SGCD: variants seen among roughly 807,000 people sequenced by gnomAD.
The protein encoded by SGCD is delta-sarcoglycan.
In SGCD, 18 loss-of-function variants were observed where a neutral mutation model predicts 36.6. The observed-to-expected ratio is 0.49, with a 90% CI of 0.34 to 0.73. The LOEUF is 0.73. Ranked by LOEUF, SGCD falls within the 30% of genes least tolerant of loss-of-function variation. SGCD has a pLI of 0.01. For missense variants in SGCD, 387 were observed against 346.7 expected, an observed-to-expected ratio of 1.12 and a Z score of -0.92; for synonymous variants, 133 against 130.6, an observed-to-expected ratio of 1.02 and a Z score of -0.12.
the SGCD span, among the ~76,000 whole-genome samples, chr5:155,858,429 A>G: frequency 6.6e-6 from 1 of 152,200 alleles, no homozygotes; most frequent in South Asian, 2.1e-4. Flanking sequence ...GTTTTAAATA[A>G]CATAATTTTG....
At chr5:155,786,601 C>A in the SGCD span, among the ~76,000 whole-genome samples, 1 of 152,062 alleles carries the variant, frequency 6.6e-6, no homozygotes, top group African/African-American at 2.4e-5. Context: ...CAGGTTAAGG[C>A]AAAATATGGT....
chr5:156,132,538 G>A (rs1359353112), intron 3 of SGCD, among the ~76,000 whole-genome samples: 8 of 125,790 alleles, frequency 6.4e-5, no homozygotes, highest in Admixed American at 2.0e-4. Flanking sequence ...GCGCTATCCC[G>A]GCTCACTGCA....
intron 4 of SGCD, among the ~76,000 whole-genome samples, chr5:156,514,239 C>T (rs1211959876): frequency 6.6e-6 from 1 of 152,182 alleles, no homozygotes; most frequent in East Asian, 1.9e-4. Flanking sequence ...CTTTTTACCT[C>T]ACATCTTAGG....
rs553451793 is a variant in SGCD, at chr5:156,142,000, TG to T, written c.-44+17982del. Among the ~76,000 whole-genome samples the T allele has an allele frequency of 5.9e-5, 9 of 152,304 alleles. No homozygotes were observed. In the South Asian group the frequency reaches 1.7e-3, roughly 28 times the overall value. On this transcript the variant is annotated intron_variant, in intron 3 of 9. Coordinates refer to the SGCD transcript ENST00000517913. ...TCTCCACCCAAATGTCATGTGGAAT[TG>T]TAATCCCCAGTGTTGGAGGTGGGGC... is the stretch of plus-strand genomic sequence containing the variant.
chr5:156,580,379 C>A (rs557603135), intron 4 of SGCD, among the ~76,000 whole-genome samples: 49 of 152,252 alleles, frequency 3.2e-4, no homozygotes, highest in African/African-American at 1.1e-3. Context: ...GTGAGTCTGA[C>A]AATTATGTGT....
intron 1 of SGCD, among the ~76,000 whole-genome samples, chr5:156,092,648 C>A (rs1166562400): frequency 6.6e-6 from 1 of 152,208 alleles, no homozygotes; most frequent in African/African-American, 2.4e-5. Context: ...GCTTTATCTT[C>A]CTTCTTCTCA....
intron 1 of SGCD, among the ~76,000 whole-genome samples, chr5:155,895,985 T>C (rs1311351994): frequency 6.6e-6 from 1 of 152,278 alleles, no homozygotes; most frequent in African/African-American, 2.4e-5. Flanking sequence ...GCACATTCTC[T>C]GTCTTACACT....
intron 1 of SGCD, among the ~76,000 whole-genome samples, chr5:155,892,459 G>GAAAAA (rs70981989): frequency 4.2e-5 from 4 of 94,298 alleles, no homozygotes; most frequent in Non-Finnish European, 6.2e-5. Context: ...ATCTGAAAAA[G>GAAAAA]AAAAAAAAAA....
At chr5:156,110,011 A>G (rs976653798) in intron 1 of SGCD, among the ~76,000 whole-genome samples, 3 of 152,216 alleles carry the variant, frequency 2.0e-5, no homozygotes, top group Admixed American at 6.5e-5. Flanking sequence ...ATCCTGCATT[A>G]TGAGCAGCAG....
At chr5:156,082,429 C>A (rs894745628) in intron 1 of SGCD, among the ~76,000 whole-genome samples, 1 of 152,154 alleles carries the variant, frequency 6.6e-6, no homozygotes, top group East Asian at 1.9e-4. Context: ...AACCTGTCTT[C>A]CATTTCTAAA....
chr5:156,386,048 T>C (rs1771259390), intron 3 of SGCD, among the ~76,000 whole-genome samples: 1 of 152,184 alleles, frequency 6.6e-6, no homozygotes, highest in South Asian at 2.1e-4. Flanking sequence ...GACTACAGTG[T>C]TTCTTATTTT....
the SGCD span, among the ~76,000 whole-genome samples, chr5:155,805,237 G>T: frequency 6.6e-6 from 1 of 152,150 alleles, no homozygotes; most frequent in Non-Finnish European, 1.5e-5. Flanking sequence ...GTCTAGGGAG[G>T]ATCCAAACAC....
At chr5:156,476,664 A>T (rs1755194775) in intron 3 of SGCD, among the ~76,000 whole-genome samples, 1 of 152,230 alleles carries the variant, frequency 6.6e-6, no homozygotes, top group East Asian at 1.9e-4. Flanking sequence ...AATGTTGCAC[A>T]CAAGGGAATT....
chr5:156,572,624 C>T (rs773029713), intron 4 of SGCD, among the ~76,000 whole-genome samples: 2 of 152,092 alleles, frequency 1.3e-5, no homozygotes, highest in Non-Finnish European at 2.9e-5. Context: ...CTTAAGTAGA[C>T]AATTGAATGA....
At chr5:156,067,968 C>T (rs573853661) in intron 1 of SGCD, among the ~76,000 whole-genome samples, 3 of 128,320 alleles carry the variant, frequency 2.3e-5, no homozygotes, top group Non-Finnish European at 4.5e-5. Context: ...TCCTCCCCCC[C>T]ACTTTTTTTT....
intron 3 of SGCD, among the ~76,000 whole-genome samples, chr5:156,229,298 A>ATG (rs1764951981): frequency 1.1e-5 from 1 of 91,366 alleles, no homozygotes; most frequent in Non-Finnish European, 2.2e-5. Flanking sequence ...ATATATATAT[A>ATG]TAAAATTAGT....
chr5:156,702,624 T>A (rs1466987180), intron 7 of SGCD, among the ~76,000 whole-genome samples: 1 of 152,166 alleles, frequency 6.6e-6, no homozygotes. Flanking sequence ...ATACAGCTTC[T>A]TTTTCTTATG....
At chr5:156,706,810 T>C (rs191292273) in intron 7 of SGCD, among the ~76,000 whole-genome samples, 19 of 152,166 alleles carry the variant, frequency 1.2e-4, no homozygotes, top group Non-Finnish European at 2.4e-4. Context: ...AGGTATCCTT[T>C]ATCTGCAGAT....
At chr5:156,071,303 T>A (rs1760554013) in intron 1 of SGCD, among the ~76,000 whole-genome samples, 1 of 152,236 alleles carries the variant, frequency 6.6e-6, no homozygotes, top group African/African-American at 2.4e-5. Context: ...CTGCTTTGAA[T>A]GTGTCCCAGA....
Sources: gnomAD v4.1 joint callset for allele counts (sites outside exome capture counted in the v4.1 genomes callset) on GRCh38, gnomAD v4.1.1 for gene constraint, MANE v1.5 for transcripts, NCBI Gene and HGNC (gene_info 2026-07-23, HGNC 2026-07-21) for gene names.